The following CSMD1 variants were observed in gnomAD, a reference collection of about 807,000 sequenced individuals.
CSMD1 encodes CUB and sushi domain-containing protein 1.
A neutral mutation model predicts 417.5 loss-of-function variants in CSMD1; 213 were observed. That is an observed-to-expected ratio of 0.51 (90% CI 0.46 to 0.57). The LOEUF (loss-of-function observed/expected upper bound fraction) is 0.57, where lower values mean the gene tolerates loss of function less well. CSMD1 is among the 20% of genes least tolerant of loss of function. The pLI, the probability that CSMD1 is intolerant of heterozygous loss-of-function variation, is 0.00. For missense variants in CSMD1, 6,923 were observed against 4,529.7 expected, an observed-to-expected ratio of 1.53 and a Z score of -15.17; for synonymous variants, 2,862 against 1,736.8, an observed-to-expected ratio of 1.65 and a Z score of -16.11.
At chr8:3,414,694 C>T (rs1390901640) in intron 12 of CSMD1, among the ~76,000 whole-genome samples, 1 of 152,200 alleles carries the variant, frequency 6.6e-6, no homozygotes, top group Non-Finnish European at 1.5e-5. Flanking sequence ...GCTGTTTTCT[C>T]CTAGGACATA....
At chr8:3,248,523 CTTTTTTTTT>C (rs10663439) in intron 26 of CSMD1, among the ~76,000 whole-genome samples, 1 of 85,946 alleles carries the variant, frequency 1.2e-5, no homozygotes, top group Non-Finnish European at 2.2e-5. Flanking sequence ...AATTCCCTCC[CTTTTTTTTT>C]TTTTTTTTTT....
chr8:3,901,580 G>C (rs973120646), intron 5 of CSMD1, among the ~76,000 whole-genome samples: 2 of 152,218 alleles, frequency 1.3e-5, no homozygotes, highest in African/African-American at 4.8e-5. Flanking sequence ...CTCATTCGGA[G>C]AGCCTTGGGG....
intron 3 of CSMD1, among the ~76,000 whole-genome samples, chr8:4,201,150 A>C (rs1050857817): frequency 6.6e-6 from 1 of 152,202 alleles, no homozygotes; most frequent in Non-Finnish European, 1.5e-5. Flanking sequence ...TGTAGAATTA[A>C]AATGACTACT....
At chr8:4,176,095 G>A (rs963384339) in intron 3 of CSMD1, among the ~76,000 whole-genome samples, 29 of 152,052 alleles carry the variant, frequency 1.9e-4, no homozygotes, top group Non-Finnish European at 5.9e-5. Flanking sequence ...AATCACTCCT[G>A]CTACCTTCTT....
intron 2 of CSMD1, among the ~76,000 whole-genome samples, chr8:4,478,932 C>T (rs933674075): frequency 7.9e-5 from 12 of 152,102 alleles, no homozygotes; most frequent in African/African-American, 2.9e-4. Context: ...ACTTGACTGA[C>T]CTTAATTCAC....
intron 5 of CSMD1, among the ~76,000 whole-genome samples, chr8:3,996,643 C>A (rs764698465): frequency 3.9e-5 from 6 of 152,118 alleles, no homozygotes; most frequent in Admixed American, 6.5e-5. Flanking sequence ...TAAAGTCATA[C>A]AACCTACATT....
intron 1 of CSMD1, among the ~76,000 whole-genome samples, chr8:4,971,224 C>A (rs936266135): frequency 6.6e-6 from 1 of 151,922 alleles, no homozygotes; most frequent in Non-Finnish European, 1.5e-5. Flanking sequence ...ATATCCAGTA[C>A]CTTTAAGTTG....
chr8:4,162,875 C>T (rs1179205812), intron 3 of CSMD1, among the ~76,000 whole-genome samples: 2 of 152,154 alleles, frequency 1.3e-5, no homozygotes, highest in African/African-American at 4.8e-5. Context: ...TTTCCCCGCC[C>T]TAAAAATTTC....
intron 5 of CSMD1, among the ~76,000 whole-genome samples, chr8:3,843,362 G>A (rs1803257914): frequency 6.6e-6 from 1 of 152,052 alleles, no homozygotes; most frequent in Non-Finnish European, 1.5e-5. Context: ...AATATTTATT[G>A]TGTGCTTACA....
intron 7 of CSMD1, among the ~76,000 whole-genome samples, chr8:3,652,179 GAA>G (rs1797891493): frequency 2.1e-5 from 3 of 143,808 alleles, no homozygotes; most frequent in African/African-American, 7.9e-5. Flanking sequence ...ACCACCATCA[GAA>G]CACCTACCAC....
intron 5 of CSMD1, among the ~76,000 whole-genome samples, chr8:3,984,919 T>C (rs1347434573): frequency 6.6e-6 from 1 of 151,884 alleles, no homozygotes; most frequent in Non-Finnish European, 1.5e-5. Context: ...AGCTTCATTG[T>C]AGTTCATTAT....
chr8:4,103,578 A>G (rs1801414604), intron 3 of CSMD1, among the ~76,000 whole-genome samples: 1 of 152,108 alleles, frequency 6.6e-6, no homozygotes, highest in South Asian at 2.1e-4. Context: ...ATGGATACAA[A>G]AAATGTTGGA....
At chr8:3,896,670 C>G (rs191080998) in intron 5 of CSMD1, among the ~76,000 whole-genome samples, 316 of 152,136 alleles carry the variant, frequency 2.1e-3, no homozygotes, top group Non-Finnish European at 3.9e-3. Context: ...CGCCACCACA[C>G]TGGCTAATTT....
intron 3 of CSMD1, among the ~76,000 whole-genome samples, chr8:4,313,448 C>G (rs1003773522): frequency 6.7e-6 from 1 of 148,346 alleles, no homozygotes; most frequent in African/African-American, 2.5e-5. Flanking sequence ...TAATTCTCCT[C>G]TGAAAATGTT....
At chr8:3,457,851 G>T (rs750901947) in intron 12 of CSMD1, among the ~76,000 whole-genome samples, 16 of 152,200 alleles carry the variant, frequency 1.1e-4, no homozygotes, top group Non-Finnish European at 2.4e-4. Flanking sequence ...TGGTAAAGAT[G>T]TGGGAGAATG....
At chr8:4,943,637 T>C (rs1461631053) in intron 1 of CSMD1, among the ~76,000 whole-genome samples, 2 of 152,256 alleles carry the variant, frequency 1.3e-5, no homozygotes, top group Non-Finnish European at 2.9e-5. Context: ...TGATGATTTA[T>C]ACTATGTTGT....
Position 2,955,070 on chromosome 8 carries a change from G to A in CSMD1, c.9994+519C>T, listed in dbSNP as rs560003332. 8.6e-4 allele frequency among the ~76,000 whole-genome samples: 131 copies of A among 152,262 alleles called. 1 individual carries two copies. The highest frequency in any genetic ancestry group is 2.7e-3 in the African/African-American group (114 of 41,556). On this transcript the variant is annotated intron_variant, in intron 64 of 69. Coordinates refer to ENST00000635120, the MANE Select transcript of CSMD1 (RefSeq NM_033225.6). ...GTAAACACACAAATTTGTAATTAAT[G>A]GATCGTTTCCATGTGAATTGCTTTT...
At chr8:4,921,571 T>G (rs988554767) in intron 1 of CSMD1, among the ~76,000 whole-genome samples, 6 of 152,216 alleles carry the variant, frequency 3.9e-5, no homozygotes, top group African/African-American at 1.2e-4. Flanking sequence ...ATTCAGATGC[T>G]TATTAACATA....
chr8:4,892,513 C>T (rs1163117915), intron 1 of CSMD1, among the ~76,000 whole-genome samples: 1 of 151,982 alleles, frequency 6.6e-6, no homozygotes, highest in Non-Finnish European at 1.5e-5. Flanking sequence ...TGCAAAGACA[C>T]CTGGGCTAAT....
Sources: allele counts gnomAD v4.1 joint callset (sites outside exome capture counted in the v4.1 genomes callset), GRCh38; gene constraint gnomAD v4.1.1; transcripts MANE v1.5; gene names NCBI Gene and HGNC (gene_info 2026-07-23, HGNC 2026-07-21).